Variants in KDM4C observed in about 807,000 individuals in gnomAD.
The protein encoded by KDM4C is lysine demethylase 4C, also known as lysine-specific demethylase 4C.
A neutral mutation model predicts 129.3 loss-of-function variants in KDM4C; 81 were observed. That is an observed-to-expected ratio of 0.63 (90% CI 0.52 to 0.75). The LOEUF is 0.75. Ranked by LOEUF, KDM4C falls within the 30% of genes least tolerant of loss-of-function variation. The pLI, the probability that KDM4C is intolerant of heterozygous loss-of-function variation, is 0.00. For synonymous variants in KDM4C, 573 were observed against 456.1 expected, an observed-to-expected ratio of 1.26 and a Z score of -3.26; for missense variants, 1,457 against 1,304.0, an observed-to-expected ratio of 1.12 and a Z score of -1.81.
chr9:6,799,249 C>T (rs866211346), intron 2 of KDM4C, among the ~76,000 whole-genome samples: 37 of 152,322 alleles, frequency 2.4e-4, no homozygotes, highest in African/African-American at 8.2e-4. Flanking sequence ...CGCGAGATCA[C>T]GCCACTGCAC....
At chr9:6,750,976 G>A (rs1456716391) in intron 1 of KDM4C, among the ~76,000 whole-genome samples, 1 of 152,058 alleles carries the variant, frequency 6.6e-6, no homozygotes, top group Non-Finnish European at 1.5e-5. Flanking sequence ...TGGGTACCTT[G>A]GTTATTTTTT....
intron 15 of KDM4C, among the ~76,000 whole-genome samples, chr9:7,042,512 G>A (rs566693183): frequency 1.4e-3 from 208 of 152,176 alleles, no homozygotes; most frequent in African/African-American, 4.8e-3. Flanking sequence ...ATGCTGTCGG[G>A]TAACACAATT....
intron 1 of KDM4C, among the ~76,000 whole-genome samples, chr9:6,742,552 C>G (rs1199304624): frequency 7.0e-6 from 1 of 142,448 alleles, no homozygotes; most frequent in Non-Finnish European, 1.5e-5. Context: ...GCCATTGTTT[C>G]TTCAACTTTT....
intron 8 of KDM4C, among the ~76,000 whole-genome samples, chr9:6,933,274 G>A (rs925660463): frequency 4.6e-5 from 7 of 152,144 alleles, no homozygotes; most frequent in Non-Finnish European, 8.8e-5. Flanking sequence ...CAGGTTCTAA[G>A]CCCCTTGGTT....
intron 8 of KDM4C, among the ~76,000 whole-genome samples, chr9:6,953,819 G>A (rs146536816): frequency 2.5e-3 from 388 of 152,220 alleles, no homozygotes; most frequent in African/African-American, 9.1e-3. Context: ...AACTTGAATG[G>A]TATTCTCTGC....
intron 4 of KDM4C, among the ~76,000 whole-genome samples, chr9:6,844,341 A>G (rs1588651324): frequency 6.6e-6 from 1 of 152,186 alleles, no homozygotes; most frequent in East Asian, 1.9e-4. Context: ...AAATGTGACC[A>G]TTCTCTAGCC....
At chr9:7,043,436 A>G (rs1828909525) in intron 15 of KDM4C, among the ~76,000 whole-genome samples, 1 of 152,058 alleles carries the variant, frequency 6.6e-6, no homozygotes, top group African/African-American at 2.4e-5. Flanking sequence ...TAACCTGTTA[A>G]TTTTTAGAGT....
intron 5 of KDM4C, among the ~76,000 whole-genome samples, chr9:6,867,418 G>T (rs893894655): frequency 6.6e-6 from 1 of 152,122 alleles, no homozygotes; most frequent in African/African-American, 2.4e-5. Context: ...ATTGATATTT[G>T]AATAAATGAT....
At chr9:6,973,343 C>A (rs1183390991) in intron 8 of KDM4C, among the ~76,000 whole-genome samples, 1 of 152,132 alleles carries the variant, frequency 6.6e-6, no homozygotes. Context: ...CTGCACCCAG[C>A]CCCTGACCAT....
chr9:6,830,358 G>T (rs1229564944), intron 4 of KDM4C, among the ~76,000 whole-genome samples: 3 of 152,110 alleles, frequency 2.0e-5, no homozygotes, highest in African/African-American at 7.2e-5. Flanking sequence ...CTGAGATGAG[G>T]GAGGTCGTGG....
At chr9:7,159,814 GT>G (rs1231673971) in intron 19 of KDM4C, among the ~76,000 whole-genome samples, 2 of 152,050 alleles carry the variant, frequency 1.3e-5, no homozygotes, top group Non-Finnish European at 2.9e-5. Context: ...GTGTCTTGGG[GT>G]TGCTCTTCTC....
intron 17 of KDM4C, among the ~76,000 whole-genome samples, chr9:7,081,777 T>G (rs1834547783): frequency 6.6e-6 from 1 of 152,200 alleles, no homozygotes; most frequent in African/African-American, 2.4e-5. Context: ...AGCATGTGTC[T>G]AAAGCCTTGG....
intron 8 of KDM4C, among the ~76,000 whole-genome samples, chr9:6,958,387 C>G (rs562062297): frequency 6.6e-6 from 1 of 152,004 alleles, no homozygotes; most frequent in Non-Finnish European, 1.5e-5. Context: ...AAGTTCGAGA[C>G]CAGCCTGACC....
intron 12 of KDM4C, among the ~76,000 whole-genome samples, chr9:6,997,619 G>C (rs1820005432): frequency 6.6e-6 from 1 of 152,190 alleles, no homozygotes; most frequent in Non-Finnish European, 1.5e-5. Context: ...CTGAATAAAA[G>C]TCTGGTTGAC....
At chr9:6,949,786 G>A (rs981608954) in intron 8 of KDM4C, among the ~76,000 whole-genome samples, 1 of 152,256 alleles carries the variant, frequency 6.6e-6, no homozygotes, top group Admixed American at 6.5e-5. Context: ...AGCGGAGATG[G>A]CAGCAGTACA....
At chr9:6,932,831 GTACAA>G (rs1824006490) in intron 8 of KDM4C, among the ~76,000 whole-genome samples, 1 of 152,170 alleles carries the variant, frequency 6.6e-6, no homozygotes, top group South Asian at 2.1e-4. Context: ...GCAAAACATC[GTACAA>G]TACACAGGGC....
chr9:6,855,409 A>C (rs1417761725), intron 5 of KDM4C, among the ~76,000 whole-genome samples: 1 of 135,028 alleles, frequency 7.4e-6, no homozygotes, highest in East Asian at 2.4e-4. Context: ...TGGTGAGCCG[A>C]GATTGCGTCA....
intron 10 of KDM4C, among the ~76,000 whole-genome samples, chr9:6,986,064 C>T (rs1259547287): frequency 1.3e-5 from 2 of 152,092 alleles, no homozygotes; most frequent in African/African-American, 4.8e-5. Flanking sequence ...GCCTAAGGGC[C>T]CTGAATTTCA....
At chr9:7,100,589 C>G (rs1464081945) in intron 17 of KDM4C, among the ~76,000 whole-genome samples, 1 of 152,174 alleles carries the variant, frequency 6.6e-6, no homozygotes, top group African/African-American at 2.4e-5. Flanking sequence ...ATCCACCTGC[C>G]TCAGCCTCCC....
Sources: gnomAD v4.1 joint callset for allele counts (sites outside exome capture counted in the v4.1 genomes callset) on GRCh38, gnomAD v4.1.1 for gene constraint, MANE v1.5 for transcripts, NCBI Gene and HGNC (gene_info 2026-07-23, HGNC 2026-07-21) for gene names.